ZNF438: variants seen among roughly 807,000 people sequenced by gnomAD.
ZNF438 encodes zinc finger protein 438.
ZNF438 carries 25 observed loss-of-function variants against 38.0 expected under a neutral mutation model. The observed-to-expected ratio is 0.66, with a 90% CI of 0.48 to 0.92. ZNF438 has a LOEUF of 0.92. Among genes scored for constraint, ZNF438 ranks in the 40% least tolerant of loss-of-function variants. The pLI is 0.00. For missense variants in ZNF438, 1,007 were observed against 999.6 expected (o/e 1.01, Z -0.10); for synonymous variants, 372 against 364.1 (o/e 1.02, Z -0.25).
At chr10:30,900,225 GTTTT>G (rs1260910736) in intron 3 of ZNF438, among the ~76,000 whole-genome samples, 1 of 151,462 alleles carries the variant, frequency 6.6e-6, no homozygotes, top group Non-Finnish European at 1.5e-5. Context: ...ATCATCCTTT[GTTTT>G]TTTTCAACAA....
intron 4 of ZNF438, among the ~76,000 whole-genome samples, chr10:30,867,897 T>G (rs1001224240): frequency 6.6e-6 from 1 of 152,180 alleles, no homozygotes; most frequent in African/African-American, 2.4e-5. Flanking sequence ...AATAAAATGC[T>G]TGACAAAAAT....
chr10:30,948,685 AG>A (rs1339070870), intron 1 of ZNF438, among the ~76,000 whole-genome samples: 1 of 151,606 alleles, frequency 6.6e-6, no homozygotes, highest in Non-Finnish European at 1.5e-5. Context: ...TGAAGCGAGA[AG>A]GGAAGTTTAG....
rs150651382 is a variant in ZNF438, at chr10:30,982,811, T to G, written c.-191-41160A>C. On this transcript the variant is annotated intron_variant, in intron 1 of 5. Transcript: ENST00000413025. ...TTTTAATATTTATAGAAATTTAAAA[T>G]AGTTATCATGCTAGAGTCCATTTTA... 2.8e-3 allele frequency among the ~76,000 whole-genome samples: 420 copies of G among 152,356 alleles called. 2 individuals are homozygous for G. The highest frequency in any genetic ancestry group is 8.1e-3 in the Admixed American group (124 of 15,302).
intron 4 of ZNF438, 129 bp downstream of exon 5, chr10:30,876,869 A>G (rs895043752): frequency 1.8e-5 from 11 of 599,860 alleles, no homozygotes; most frequent in East Asian, 1.4e-4. Context: ...GAGTTTTCAT[A>G]TATAATTATA....
At chr10:30,966,153 G>C (rs927242475) in intron 1 of ZNF438, among the ~76,000 whole-genome samples, 32 of 151,842 alleles carry the variant, frequency 2.1e-4, no homozygotes, top group Admixed American at 2.0e-3. Flanking sequence ...GCAATATAGC[G>C]AGACCCTGTC....
chr10:30,907,102 G>GT (rs1246910520), intron 3 of ZNF438, among the ~76,000 whole-genome samples: 1 of 152,204 alleles, frequency 6.6e-6, no homozygotes, highest in African/African-American at 2.4e-5. Context: ...AGCCTCCAGA[G>GT]TAGCTGGGAT....
At chr10:30,960,937 C>T (rs905335270) in intron 1 of ZNF438, among the ~76,000 whole-genome samples, 7 of 146,492 alleles carry the variant, frequency 4.8e-5, no homozygotes, top group Non-Finnish European at 1.1e-4. Context: ...ACACTCACAT[C>T]AACAAACATT....
At chr10:30,902,135 G>T (rs1337338019) in intron 3 of ZNF438, among the ~76,000 whole-genome samples, 1 of 152,090 alleles carries the variant, frequency 6.6e-6, no homozygotes, top group East Asian at 1.9e-4. Context: ...TACCTGAGAG[G>T]GTTGCCATGG....
At chr10:30,892,265 A>C (rs1024909946) in intron 3 of ZNF438, among the ~76,000 whole-genome samples, 11 of 152,208 alleles carry the variant, frequency 7.2e-5, no homozygotes, top group African/African-American at 2.7e-4. Context: ...ATACATACCT[A>C]TGATGAAGTT....
At chr10:30,845,294 C>T (rs759029403) in exon 6 of ZNF438, 4 of 1,614,094 alleles carry the variant, frequency 2.5e-6, no homozygotes, top group South Asian at 2.2e-5. Context: ...CATGTGATTC[C>T]TCGGAGGAGG....
intron 1 of ZNF438, among the ~76,000 whole-genome samples, chr10:31,013,174 C>T (rs1417774235): frequency 1.3e-5 from 2 of 152,160 alleles, no homozygotes; most frequent in Non-Finnish European, 2.9e-5. Flanking sequence ...AAAAAATTAG[C>T]CGCGCGCGGT....
intron 1 of ZNF438, among the ~76,000 whole-genome samples, chr10:30,963,392 CAAAAAAAAAAAA>C (rs753557823): frequency 4.6e-5 from 4 of 86,056 alleles, no homozygotes; most frequent in African/African-American, 1.9e-4. Flanking sequence ...AACTCCATCT[CAAAAAAAAAAAA>C]AAAAAAAAAG....
At chr10:30,949,915 ACT>A (rs1479187181) in intron 1 of ZNF438, among the ~76,000 whole-genome samples, 1 of 152,102 alleles carries the variant, frequency 6.6e-6, no homozygotes, top group African/African-American at 2.4e-5. Context: ...CATCTACAGA[ACT>A]CTCTACCCCA....
intron 1 of ZNF438, among the ~76,000 whole-genome samples, chr10:31,015,901 C>A (rs142624009): frequency 2.6e-5 from 4 of 152,126 alleles, no homozygotes; most frequent in African/African-American, 4.8e-5. Context: ...CTCTTCCTCT[C>A]CTTATAGGGG....
chr10:30,904,236 G>T (rs2042350095), intron 3 of ZNF438, among the ~76,000 whole-genome samples: 1 of 152,154 alleles, frequency 6.6e-6, no homozygotes, highest in African/African-American at 2.4e-5. Context: ...ACTTGAAGTT[G>T]TTCATAACAA....
At chr10:30,901,133 T>G (rs1290236018) in intron 3 of ZNF438, among the ~76,000 whole-genome samples, 1 of 152,236 alleles carries the variant, frequency 6.6e-6, no homozygotes, top group Non-Finnish European at 1.5e-5. Flanking sequence ...TCGCCTTTCT[T>G]ATAACAGTTA....
chr10:30,884,322 T>C (rs1052140726), intron 3 of ZNF438, among the ~76,000 whole-genome samples: 1 of 152,164 alleles, frequency 6.6e-6, no homozygotes, highest in Non-Finnish European at 1.5e-5. Context: ...AATTTTTGGA[T>C]AGTTACAATA....
In ZNF438 at chr10:30,903,391, A is replaced by G. The variant is rs140901238; in HGVS notation, c.-32+5542T>C. 1.9e-3 allele frequency among the ~76,000 whole-genome samples: 293 copies of G among 152,378 alleles called. 5 individuals carry two copies. Among genetic ancestry groups the G allele is most frequent in the Admixed American group, 0.012 (186 of 15,308 alleles). ...TATAAGAAAACACCATCACTTCTACATAACTGGAGAATAAAAGCATCCCCA... is the reference window on the plus strand; with the variant it reads ...TATAAGAAAACACCATCACTTCTACGTAACTGGAGAATAAAAGCATCCCCA... On this transcript the variant is annotated intron_variant, in intron 3 of 5. Transcript: ENST00000413025.
chr10:30,999,808 AAAG>A (rs1422193744), intron 1 of ZNF438, among the ~76,000 whole-genome samples: 2 of 152,208 alleles, frequency 1.3e-5, no homozygotes, highest in Non-Finnish European at 2.9e-5. Context: ...GGGGGTTTCC[AAAG>A]AAGACTTCTC....
Sources: gnomAD v4.1 joint callset for allele counts (sites outside exome capture counted in the v4.1 genomes callset) on GRCh38, gnomAD v4.1.1 for gene constraint, MANE v1.5 for transcripts, NCBI Gene and HGNC (gene_info 2026-07-23, HGNC 2026-07-21) for gene names.